CENPP: variants seen among roughly 807,000 people sequenced by gnomAD.
The protein encoded by CENPP is centromere protein P.
CENPP carries 24 observed loss-of-function variants against 35.6 expected under a neutral mutation model. The ratio of observed to expected loss-of-function variants is 0.67; its 90% confidence interval spans 0.49 to 0.95. The LOEUF (loss-of-function observed/expected upper bound fraction) is 0.95. Among genes scored for constraint, CENPP ranks in the 40% least tolerant of loss-of-function variants. CENPP has a pLI of 0.00. For missense variants in CENPP, 332 were observed against 345.3 expected (o/e 0.96, Z 0.31); for synonymous variants, 120 against 125.5 (o/e 0.96, Z 0.29).
At chr9:92,343,389 C>T (rs976555547) in intron 3 of CENPP, among the ~76,000 whole-genome samples, 6 of 152,194 alleles carry the variant, frequency 3.9e-5, no homozygotes, top group Non-Finnish European at 7.3e-5. Context: ...TCAGAATTAA[C>T]GTTTATCAGC....
intron 5 of CENPP, among the ~76,000 whole-genome samples, chr9:92,590,608 A>C (rs1308035872): frequency 6.6e-6 from 1 of 152,226 alleles, no homozygotes; most frequent in Non-Finnish European, 1.5e-5. Flanking sequence ...TCCTGGTCTC[A>C]GGGGCCCTTA....
intron 5 of CENPP, among the ~76,000 whole-genome samples, chr9:92,425,841 C>T (rs898420458): frequency 1.3e-4 from 20 of 152,170 alleles, no homozygotes; most frequent in Non-Finnish European, 8.8e-5. Flanking sequence ...GTTCTTAAAA[C>T]TCAGGCTTTC....
At chr9:92,591,459 A>G (rs531431762) in intron 5 of CENPP, among the ~76,000 whole-genome samples, 1 of 151,916 alleles carries the variant, frequency 6.6e-6, no homozygotes, top group African/African-American at 2.4e-5. Flanking sequence ...AGGGAAAAAA[A>G]AATCCAAACC....
At chr9:92,447,567 T>C (rs75720663) in intron 5 of CENPP, among the ~76,000 whole-genome samples, 4,710 of 152,286 alleles carry the variant, frequency 0.031, 113 homozygotes, top group South Asian at 0.083. Flanking sequence ...GCTGTGTATT[T>C]CAGTTCGTAC....
chr9:92,416,624 A>C, intron 5 of CENPP: 2 of 1,521,612 alleles, frequency 1.3e-6, no homozygotes, highest in East Asian at 4.5e-5. Context: ...CATACTTTCT[A>C]TTTCATTATT....
chr9:92,585,524 C>G (rs898035462), intron 5 of CENPP, among the ~76,000 whole-genome samples: 23 of 152,120 alleles, frequency 1.5e-4, no homozygotes, highest in African/African-American at 4.1e-4. Flanking sequence ...CGTTAGATTT[C>G]TAGGAGTGGA....
chr9:92,419,369 C>T (rs567408247), intron 5 of CENPP, among the ~76,000 whole-genome samples: 6 of 145,718 alleles, frequency 4.1e-5, no homozygotes, highest in Non-Finnish European at 7.4e-5. Flanking sequence ...GGTGCGATCT[C>T]GGCTCACTGC....
At chr9:92,344,579 G>T (rs1438717002) in intron 3 of CENPP, among the ~76,000 whole-genome samples, 2 of 151,614 alleles carry the variant, frequency 1.3e-5, no homozygotes, top group Non-Finnish European at 2.9e-5. Context: ...ACTGAGTCTC[G>T]CTCTGTTGCG....
chr9:92,364,586 A>G (rs1841840686), intron 4 of CENPP, among the ~76,000 whole-genome samples: 1 of 152,168 alleles, frequency 6.6e-6, no homozygotes, highest in Middle Eastern at 3.2e-3. Context: ...TTGGATACAC[A>G]ACTCTATTCA....
At chr9:92,598,106 C>G (rs1340334230) in intron 5 of CENPP, among the ~76,000 whole-genome samples, 1 of 152,188 alleles carries the variant, frequency 6.6e-6, no homozygotes, top group Non-Finnish European at 1.5e-5. Context: ...ATGATCTCTC[C>G]CAGCACCAAT....
chr9:92,529,901 TCAAC>T (rs1411430328), intron 5 of CENPP, among the ~76,000 whole-genome samples: 1 of 152,220 alleles, frequency 6.6e-6, no homozygotes, highest in East Asian at 1.9e-4. Context: ...ATCTGTGGAT[TCAAC>T]CAACCATGAG....
At chr9:92,440,712 T>C (rs1844364134) in intron 5 of CENPP, among the ~76,000 whole-genome samples, 1 of 152,184 alleles carries the variant, frequency 6.6e-6, no homozygotes, top group Admixed American at 6.5e-5. Context: ...ATTATAAGTA[T>C]TTAGTTAAGA....
At chr9:92,404,411 G>A (rs1250231525) in intron 5 of CENPP, 2 of 831,512 alleles carry the variant, frequency 2.4e-6, no homozygotes, top group Non-Finnish European at 3.3e-6. Flanking sequence ...ACCAGAGATG[G>A]CCTTTACATT....
rs761409866 is a variant in CENPP at position 92,459,810 on chromosome 9, G to T, written c.564+79951G>T. On this transcript the variant is annotated intron_variant, in intron 5 of 7. Transcript: ENST00000375587. ...AAATGCATCAAGTCTTACACAGATG[G>T]TTAGGTGTGATAGAGTTAGCTGAAA... 1.9e-6 allele frequency: 3 copies of T among 1,599,380 alleles called. No individual in the cohort carries two copies. In the South Asian group the frequency reaches 3.4e-5, roughly 18 times the overall value.
rs61628295 is a variant in CENPP, at chr9:92,390,563, A to AGTGTGTGTGTGTGT, written c.564+10716_564+10729dup. ...GTGACACAGATTGAGAGAGAAATTCAGTGTGTGTGTGTGTGTGTGTGTGTG... is the reference window on the plus strand; with the variant it reads ...GTGACACAGATTGAGAGAGAAATTCAGTGTGTGTGTGTGTGTGTGTGTGTGTGTGTGTGTGTGTG... On this transcript the variant is annotated intron_variant, in intron 5 of 7. Coordinates refer to ENST00000375587, the MANE Select transcript of CENPP (RefSeq NM_001012267.3). 5.9e-4 allele frequency among the ~76,000 whole-genome samples: 89 copies of AGTGTGTGTGTGTGT among 150,554 alleles called. 1 individual carries two copies. Among genetic ancestry groups the AGTGTGTGTGTGTGT allele is most frequent in the African/African-American group, 2.1e-3 (87 of 40,952 alleles).
At chr9:92,430,713 A>G (rs72752482) in intron 5 of CENPP, among the ~76,000 whole-genome samples, 4,705 of 152,016 alleles carry the variant, frequency 0.031, 114 homozygotes, top group South Asian at 0.084. Context: ...TTACTTCTGC[A>G]TTTGCTGAAA....
At chr9:92,609,886 A>G (rs1033006999) in intron 5 of CENPP, among the ~76,000 whole-genome samples, 3 of 151,824 alleles carry the variant, frequency 2.0e-5, no homozygotes, top group Non-Finnish European at 4.4e-5. Flanking sequence ...GATTACAGGC[A>G]CCCACCACCA....
chr9:92,382,235 T>C (rs1169063458), intron 5 of CENPP, among the ~76,000 whole-genome samples: 1 of 152,054 alleles, frequency 6.6e-6, no homozygotes, highest in African/African-American at 2.4e-5. Flanking sequence ...TTATTTTTAT[T>C]TAATTTTTAA....
chr9:92,395,469 A>G (rs796405492), intron 5 of CENPP, among the ~76,000 whole-genome samples: 7 of 152,176 alleles, frequency 4.6e-5, no homozygotes, highest in African/African-American at 1.7e-4. Flanking sequence ...TATTTCAAAG[A>G]AATTTATGTG....
Sources: gnomAD v4.1 joint callset for allele counts (sites outside exome capture counted in the v4.1 genomes callset) on GRCh38, gnomAD v4.1.1 for gene constraint, MANE v1.5 for transcripts, NCBI Gene and HGNC (gene_info 2026-07-23, HGNC 2026-07-21) for gene names.